Variants in LIPA observed in about 807,000 individuals in gnomAD.
LIPA encodes the protein lysosomal acid lipase/cholesteryl ester hydrolase.
LIPA carries 26 observed loss-of-function variants against 40.6 expected under a neutral mutation model. The observed-to-expected ratio is 0.64, with a 90% CI of 0.47 to 0.89. The LOEUF (loss-of-function observed/expected upper bound fraction) is 0.89. Among genes scored for constraint, LIPA ranks in the 40% least tolerant of loss-of-function variants. The pLI, the probability that LIPA is intolerant of heterozygous loss-of-function variation, is 0.00. For missense variants in LIPA, 455 were observed against 479.6 expected, an observed-to-expected ratio of 0.95 and a Z score of 0.48; for synonymous variants, 188 against 168.4, an observed-to-expected ratio of 1.12 and a Z score of -0.90.
At chr10:89,302,267 G>A in intron 1 of LIPA, 3 of 876,864 alleles carry the variant, frequency 3.4e-6, no homozygotes, top group Admixed American at 3.9e-5. Context: ...ACCTCTGTTG[G>A]TTGTAAATCT....
upstream of LIPA, among the ~76,000 whole-genome samples, chr10:89,347,517 A>G (rs1564797003): frequency 6.6e-6 from 1 of 152,220 alleles, no homozygotes; most frequent in Non-Finnish European, 1.5e-5. Context: ...TCTAAAGATA[A>G]CAGTTTCAAA....
At chr10:89,341,810 A>G (rs1843873168) in intron 1 of LIPA, among the ~76,000 whole-genome samples, 1 of 152,206 alleles carries the variant, frequency 6.6e-6, no homozygotes. Flanking sequence ...TTCCAAACTC[A>G]AAGATCCAGA....
chr10:89,369,075 T>C (rs884407), intron 2 of LIPA, among the ~76,000 whole-genome samples: 35,079 of 152,050 alleles, frequency 0.23, 4,222 homozygotes, highest in African/African-American at 0.25. Flanking sequence ...TCTTTTTCCA[T>C]GGGCAGTGCT....
intron 6 of LIPA, among the ~76,000 whole-genome samples, chr10:89,224,722 TG>T (rs990540522): frequency 9.2e-5 from 14 of 152,202 alleles, no homozygotes; most frequent in Admixed American, 2.0e-4. Flanking sequence ...GATGGGCTTT[TG>T]GGAACATTTC....
At chr10:89,340,463 C>T in intron 1 of LIPA, 1 of 158,534 alleles carries the variant, frequency 6.3e-6, no homozygotes, top group South Asian at 1.7e-4. Context: ...GAGGCTGAGG[C>T]AGGAGAATGG....
intron 8 of LIPA, among the ~76,000 whole-genome samples, chr10:89,220,427 G>A (rs1842683528): frequency 6.6e-6 from 1 of 152,120 alleles, no homozygotes; most frequent in African/African-American, 2.4e-5. Flanking sequence ...TAGTGACAGG[G>A]TATATGAAGA....
intron 1 of LIPA, chr10:89,307,440 G>A: frequency 1.5e-6 from 2 of 1,331,788 alleles, no homozygotes; most frequent in South Asian, 1.4e-5. Context: ...CCACCAAGTT[G>A]GTATTCAAAA....
At chr10:89,362,040 C>T (rs1844025636) in intron 2 of LIPA, among the ~76,000 whole-genome samples, 1 of 151,866 alleles carries the variant, frequency 6.6e-6, no homozygotes, top group South Asian at 2.1e-4. Context: ...GCTGGGACTA[C>T]AGGTGTGTGC....
intron 3 of LIPA, among the ~76,000 whole-genome samples, chr10:89,239,307 T>C (rs929297452): frequency 2.0e-5 from 3 of 152,342 alleles, no homozygotes; most frequent in Non-Finnish European, 4.4e-5. Context: ...GACTCCTGCC[T>C]TCACTACCCA....
At chr10:89,379,465 T>C (rs1475951893) in intron 2 of LIPA, among the ~76,000 whole-genome samples, 2 of 152,174 alleles carry the variant, frequency 1.3e-5, no homozygotes, top group East Asian at 1.9e-4. Flanking sequence ...TTCCACAAAA[T>C]ATATATTTCT....
At chr10:89,413,748 CAG>C (rs1841498613) in intron 1 of LIPA, among the ~76,000 whole-genome samples, 1 of 131,266 alleles carries the variant, frequency 7.6e-6, no homozygotes, top group African/African-American at 3.0e-5. Flanking sequence ...ACCTGAGTGA[CAG>C]AGTGAGACCC....
upstream of LIPA, among the ~76,000 whole-genome samples, chr10:89,347,305 AC>A (rs1209541957): frequency 2.0e-5 from 3 of 152,210 alleles, no homozygotes; most frequent in Non-Finnish European, 4.4e-5. Flanking sequence ...TTTACTGGGG[AC>A]TGATCATGTA....
At chr10:89,223,244 G>T (rs982177208) in intron 7 of LIPA, among the ~76,000 whole-genome samples, 1 of 151,970 alleles carries the variant, frequency 6.6e-6, no homozygotes, top group Non-Finnish European at 1.5e-5. Context: ...GCTGAGATGC[G>T]GGCTTCTATT....
rs1335917476 is a variant in LIPA, at chr10:89,264,822, C to T, written c.-1-17173G>A. Among the ~76,000 whole-genome samples the T allele has an allele frequency of 2.0e-5, 3 of 152,334 alleles. No individual in the cohort carries two copies. In the East Asian group the frequency reaches 5.8e-4, roughly 29 times the overall value. On this transcript the variant is annotated intron_variant, in intron 1 of 5. Coordinates refer to the LIPA transcript ENST00000282673. ...TAGGTTGGCCCCCAGGCTTCAGGCC[C>T]TCCCTGGCTTCAAGGTGGTGCTTCA...
At chr10:89,400,605 T>C (rs1271996169) in intron 2 of LIPA, among the ~76,000 whole-genome samples, 1 of 152,252 alleles carries the variant, frequency 6.6e-6, no homozygotes, top group African/African-American at 2.4e-5. Context: ...GAAATATGAC[T>C]GATTTTTCAT....
chr10:89,383,395 G>T, intron 2 of LIPA: 6 of 1,614,170 alleles, frequency 3.7e-6, no homozygotes, highest in Non-Finnish European at 2.5e-6. Flanking sequence ...GTTGTTAATT[G>T]AAGCCCCTGA....
intron 2 of LIPA, among the ~76,000 whole-genome samples, chr10:89,375,780 A>T (rs1844116589): frequency 6.6e-6 from 1 of 152,126 alleles, no homozygotes; most frequent in Non-Finnish European, 1.5e-5. Context: ...GCCTACTTTT[A>T]TTATTAGAGT....
chr10:89,297,930 AC>A (rs1411022354), intron 1 of LIPA, among the ~76,000 whole-genome samples: 1 of 152,152 alleles, frequency 6.6e-6, no homozygotes, highest in East Asian at 1.9e-4. Flanking sequence ...CTAGGCTCAC[AC>A]CTAAAGAACA....
intron 1 of LIPA, among the ~76,000 whole-genome samples, chr10:89,311,960 T>A (rs923434071): frequency 1.1e-4 from 17 of 152,184 alleles, no homozygotes; most frequent in Non-Finnish European, 2.4e-4. Context: ...ACACCCAGAA[T>A]GCTAGTTTTC....
Sources: gnomAD v4.1 joint callset for allele counts (sites outside exome capture counted in the v4.1 genomes callset) on GRCh38, gnomAD v4.1.1 for gene constraint, MANE v1.5 for transcripts, NCBI Gene and HGNC (gene_info 2026-07-23, HGNC 2026-07-21) for gene names.